The following EMC3 variants were observed in gnomAD, a reference collection of about 807,000 sequenced individuals.
EMC3 encodes ER membrane protein complex subunit 3.
In EMC3, 13 loss-of-function variants were observed where a neutral mutation model predicts 36.6. That is an observed-to-expected ratio of 0.35 (90% CI 0.23 to 0.56). EMC3 has a LOEUF of 0.56. EMC3 is among the 20% of genes least tolerant of loss of function. The pLI is 0.84. For synonymous variants in EMC3, 120 were observed against 111.9 expected (o/e 1.07, Z -0.46); for missense variants, 220 against 324.5 (o/e 0.68, Z 2.47).
At chr3:9,984,778 C>T (rs538481073) in intron 1 of EMC3, among the ~76,000 whole-genome samples, 6 of 152,290 alleles carry the variant, frequency 3.9e-5, no homozygotes, top group Admixed American at 3.3e-4. Context: ...ATAAAGTGAT[C>T]GCTGTAGTAT....
intron 1 of EMC3, among the ~76,000 whole-genome samples, chr3:9,995,798 C>T (rs955341376): frequency 6.1e-4 from 92 of 151,742 alleles, no homozygotes; most frequent in Middle Eastern, 3.4e-3. Context: ...TCACCACAAT[C>T]GGCTGATTTT....
chr3:9,973,306 T>C (rs544072321), intron 5 of EMC3, among the ~76,000 whole-genome samples: 1 of 151,990 alleles, frequency 6.6e-6, no homozygotes, highest in African/African-American at 2.4e-5. Flanking sequence ...GCAATTCTCC[T>C]GCCTCAGCCT....
chr3:10,003,467 A>G (rs1559359961), intron 1 of EMC3: 1 of 355,650 alleles, frequency 2.8e-6, no homozygotes, highest in Non-Finnish European at 5.5e-6. Flanking sequence ...GAGTAGTTTT[A>G]TAGTCAGTGT....
chr3:9,978,206 GTGC>G (rs1559352143), intron 1 of EMC3: 51 of 143,380 alleles, frequency 3.6e-4, no homozygotes, highest in African/African-American at 1.3e-3. Flanking sequence ...CTGGTGGCAC[GTGC>G]CTGTAGTCCC....
At chr3:9,970,511 A>T (rs1376200301) in intron 6 of EMC3, 71 bp downstream of exon 6, 9 of 1,504,042 alleles carry the variant, frequency 6.0e-6, no homozygotes, top group Admixed American at 3.3e-5. Context: ...AACCTACAAG[A>T]CTTTTCTGGC....
At chr3:9,991,826 T>A (rs1197361805), upstream of EMC3, among the ~76,000 whole-genome samples, 2 of 152,204 alleles carry the variant, frequency 1.3e-5, no homozygotes, top group Non-Finnish European at 2.9e-5. Context: ...CACAGACCGT[T>A]TCGGGGCATG....
intron 1 of EMC3, among the ~76,000 whole-genome samples, chr3:9,998,763 T>C (rs919001278): frequency 6.6e-6 from 1 of 152,186 alleles, no homozygotes; most frequent in African/African-American, 2.4e-5. Context: ...TTTTTGTTTG[T>C]TTTGTTTTTC....
intron 6 of EMC3, among the ~76,000 whole-genome samples, chr3:9,970,265 G>A (rs1395884053): frequency 6.6e-6 from 1 of 152,216 alleles, no homozygotes. Flanking sequence ...AAGGGCTCTA[G>A]TCAATGAACT....
At chr3:9,965,712 C>T (rs894122469) in intron 7 of EMC3, among the ~76,000 whole-genome samples, 6 of 152,234 alleles carry the variant, frequency 3.9e-5, no homozygotes, top group Non-Finnish European at 7.4e-5. Flanking sequence ...CGTTATCTTC[C>T]GTATCTTTTT....
chr3:10,006,912 C>T (rs796856279), intron 1 of EMC3: 11 of 324,786 alleles, frequency 3.4e-5, no homozygotes, highest in African/African-American at 1.8e-4. Context: ...GTCGTCTGCC[C>T]GGCAACGTGG....
At chr3:10,000,775 G>A (rs2086189079) in intron 1 of EMC3, 1 of 487,226 alleles carries the variant, frequency 2.1e-6, no homozygotes, top group Non-Finnish European at 4.1e-6. Context: ...CTCTCCCCAG[G>A]TGATGCCTTT....
chr3:9,997,513 G>A (rs1294503769), intron 1 of EMC3, among the ~76,000 whole-genome samples: 3 of 152,154 alleles, frequency 2.0e-5, no homozygotes, highest in Non-Finnish European at 2.9e-5. Context: ...ACGCTGGAGC[G>A]CAGTGGCACG....
chr3:9,976,218 G>C (rs1212259386), intron 3 of EMC3, among the ~76,000 whole-genome samples: 1 of 152,042 alleles, frequency 6.6e-6, no homozygotes, highest in Admixed American at 6.6e-5. Flanking sequence ...GCAATTTCCT[G>C]CCTCAGCCTC....
intron 1 of EMC3, among the ~76,000 whole-genome samples, chr3:9,980,107 G>A (rs544828509): frequency 8.6e-5 from 13 of 150,298 alleles, no homozygotes; most frequent in African/African-American, 3.2e-4. Context: ...TCTGCCTCAC[G>A]AGTTCAAGCA....
chr3:10,007,265 G>T, intron 1 of EMC3: 3 of 1,218,802 alleles, frequency 2.5e-6, no homozygotes, highest in East Asian at 5.3e-5. Context: ...ATTGTTCATG[G>T]CTTCCCCACA....
upstream of EMC3, chr3:9,987,407 T>C: frequency 3.8e-6 from 2 of 527,742 alleles, no homozygotes; most frequent in South Asian, 1.6e-4. Flanking sequence ...TGAGATGGGA[T>C]AGTCCCCACA....
chr3:10,008,151 T>G (rs2086284389), intron 1 of EMC3, among the ~76,000 whole-genome samples: 1 of 152,206 alleles, frequency 6.6e-6, no homozygotes, highest in African/African-American at 2.4e-5. Context: ...AGTCTGTCCC[T>G]CCACCTTGCT....
At chr3:9,985,223 T>C in intron 1 of EMC3, among the ~76,000 whole-genome samples, 1 of 152,212 alleles carries the variant, frequency 6.6e-6, no homozygotes, top group Non-Finnish European at 1.5e-5. Flanking sequence ...AAATCCAGTA[T>C]TGTCACAAAA....
At chr3:9,989,561 T>C (rs573250100), upstream of EMC3, among the ~76,000 whole-genome samples, 1 of 152,336 alleles carries the variant, frequency 6.6e-6, no homozygotes, top group African/African-American at 2.4e-5. Context: ...TTTTGTGGGA[T>C]TTTTGTTAGT....
Sources: allele counts gnomAD v4.1 joint callset (sites outside exome capture counted in the v4.1 genomes callset), GRCh38; gene constraint gnomAD v4.1.1; transcripts MANE v1.5; gene names NCBI Gene and HGNC (gene_info 2026-07-23, HGNC 2026-07-21).